Variants in SELENOI observed in about 807,000 individuals in gnomAD.
SELENOI encodes ethanolaminephosphotransferase 1.
SELENOI carries 24 observed loss-of-function variants against 50.7 expected under a neutral mutation model. That is an observed-to-expected ratio of 0.47 (90% CI 0.34 to 0.67). The LOEUF (loss-of-function observed/expected upper bound fraction) is 0.67, where lower values mean the gene tolerates loss of function less well. Among genes scored for constraint, SELENOI ranks in the 30% least tolerant of loss-of-function variants. The pLI is 0.01. For synonymous variants in SELENOI, 155 were observed against 170.2 expected (o/e 0.91, Z 0.70); for missense variants, 352 against 461.4 (o/e 0.76, Z 2.17).
At chr2:26,379,704 T>C (rs906511341) in intron 6 of SELENOI, among the ~76,000 whole-genome samples, 1 of 152,202 alleles carries the variant, frequency 6.6e-6, no homozygotes, top group African/African-American at 2.4e-5. Flanking sequence ...TAGGAATTCA[T>C]TCATTCAGTG....
chr2:26,383,300 T>C lies in SELENOI; in HGVS notation c.684T>C (p.Gly228=). ...YRDLFTAMII[G]CALCVTLPMS... The stretch of plus-strand genomic sequence containing the variant: ...TAATTGAATAATTATTCCCTTTAGG[T>C]TGTGCATTATGTGTGACTCTTCCAA... The change falls in exon 7 of 10, where the codon GGT becomes GGC. Residue 228 remains glycine (G), a splice_region_variant and synonymous_variant. Transcript: ENST00000260585. 6.5e-7 allele frequency: 1 copy of C among 1,534,472 alleles called. No homozygotes were observed. The highest frequency in any genetic ancestry group is 1.9e-5 in the Admixed American group (1 of 51,496).
rs377158582 is a variant in SELENOI at position 26,374,999 on chromosome 2, G to A, written c.574-41G>A. 18 of 1,374,384 alleles carry A rather than the reference G, an allele frequency of 1.3e-5. 1 individual carries two copies. Among genetic ancestry groups the A allele is most frequent in the South Asian group, 2.4e-5 (2 of 84,972 alleles). 85.1% of individuals were successfully genotyped at this position (1,374,384 alleles called of 1,614,324 possible). A position where few individuals can be genotyped will look rare whatever the true frequency, so the allele number is the denominator to read the frequency against. ...CATGGTGACTCCTGATCTTTCTAGC[G>A]TTAATGCTTCTGTATGCTTTTGTCT... On this transcript the variant is annotated intron_variant, in intron 5 of 9. Coordinates refer to ENST00000260585, the MANE Select transcript of SELENOI (RefSeq NM_033505.4).
intron 7 of SELENOI, among the ~76,000 whole-genome samples, chr2:26,383,741 G>A (rs773813120): frequency 6.6e-6 from 1 of 152,262 alleles, no homozygotes; most frequent in Non-Finnish European, 1.5e-5. Context: ...GTGTGTGGTG[G>A]CACATGCCTG....
intron 9 of SELENOI, 75 bp downstream of exon 9, chr2:26,386,611 G>A: frequency 8.0e-7 from 1 of 1,257,170 alleles, no homozygotes; most frequent in Non-Finnish European, 1.1e-6. Context: ...GAGTAGAAAG[G>A]AGGCAATGGA....
At chr2:26,381,887 C>A (rs1210211416) in intron 6 of SELENOI, among the ~76,000 whole-genome samples, 1 of 152,132 alleles carries the variant, frequency 6.6e-6, no homozygotes, top group African/African-American at 2.4e-5. Flanking sequence ...TCTTTAAGGC[C>A]ATAGCTGCAT....
At position 26,364,853 on chromosome 2, in the gene SELENOI, C is replaced by T; in HGVS notation, c.148C>T (p.Pro50Ser). Residue 50 changes from proline (P) to serine (S), a missense_variant, in exon 3 of 10, where the codon CCC (proline) becomes TCC (serine). By Grantham distance (74) the Pro-to-Ser change is moderately conservative. Transcript: ENST00000260585. ...IVKVFPTWLA[P>S]NLITFSGFLL... ...ATAGGTATTTCCTACTTGGCTGGCGCCCAATCTGATAACTTTTTCTGGCTT... is the reference window on the plus strand; with the variant it reads ...ATAGGTATTTCCTACTTGGCTGGCGTCCAATCTGATAACTTTTTCTGGCTT... 1.2e-6 allele frequency: 2 copies of T among 1,609,184 alleles called. No homozygotes were observed. The highest frequency in any genetic ancestry group is 1.7e-6 in the Non-Finnish European group (2 of 1,178,044).
At chr2:26,358,771 A>G (rs1289879997) in intron 1 of SELENOI, among the ~76,000 whole-genome samples, 2 of 152,230 alleles carry the variant, frequency 1.3e-5, no homozygotes, top group Non-Finnish European at 2.9e-5. Context: ...CCAGTAGTCA[A>G]GCTCATATTA....
chr2:26,394,509 G>A lies in SELENOI; in HGVS notation c.*5406G>A, dbSNP rs759353492. Reference sequence around the variant, plus strand: ...CTCACAATATTAACTTTTTTTGTAGGTTATTTTGTTGTTTAGATAACTTGC... The same window carrying A: ...CTCACAATATTAACTTTTTTTGTAGATTATTTTGTTGTTTAGATAACTTGC... On this transcript the variant is annotated 3_prime_UTR_variant, in exon 10 of 10. Coordinates refer to ENST00000260585, the MANE Select transcript of SELENOI (RefSeq NM_033505.4). The surrounding 1 kb of genome is among the most constrained non-coding windows in gnomAD (Gnocchi z 4.1). 1 of 152,110 alleles carries A rather than the reference G, an allele frequency of 6.6e-6. No individual in the cohort carries two copies. The highest frequency in any genetic ancestry group is 6.5e-5 in the Admixed American group (1 of 15,276). 9.4% of individuals were successfully genotyped at this position (152,110 alleles called of 1,614,324 possible). A position where few individuals can be genotyped will look rare whatever the true frequency, so the allele number is the denominator to read the frequency against.
At chr2:26,367,781 G>A (rs1677316889) in intron 4 of SELENOI, among the ~76,000 whole-genome samples, 2 of 152,130 alleles carry the variant, frequency 1.3e-5, no homozygotes, top group African/African-American at 2.4e-5. Context: ...TCAGGGAGTG[G>A]GCAGGGAGGC....
chr2:26,351,625 C>T (rs1178764160), intron 1 of SELENOI, among the ~76,000 whole-genome samples: 1 of 152,096 alleles, frequency 6.6e-6, no homozygotes, highest in Admixed American at 6.5e-5. Flanking sequence ...TAGATAAGGT[C>T]TTTAGACATA....
chr2:26,370,874 G>C (rs537725382), intron 4 of SELENOI, among the ~76,000 whole-genome samples: 3 of 126,434 alleles, frequency 2.4e-5, no homozygotes, highest in South Asian at 2.5e-4. Context: ...CTGGCCAGGC[G>C]GGGGGCTGAC....
In SELENOI at chr2:26,346,265, G is replaced by A; in HGVS notation, c.33G>A (p.Gln11=). MAGYEYVSPE[Q]LAGFDKYKYS... is the part of the protein sequence containing the mutation. ...GCTACGAATACGTGAGCCCGGAGCAGCTGGCTGGCTTTGATAAGTACAAGG... is the reference window on the plus strand; with the variant it reads ...GCTACGAATACGTGAGCCCGGAGCAACTGGCTGGCTTTGATAAGTACAAGG... The change falls in exon 1 of 10, where the codon CAG becomes CAA. Residue 11 remains glutamine (Q), a synonymous_variant. Coordinates refer to ENST00000260585, the MANE Select transcript of SELENOI (RefSeq NM_033505.4). 3 of 1,613,592 alleles carry A rather than the reference G, an allele frequency of 1.9e-6. No individual in the cohort carries two copies. Among genetic ancestry groups the A allele is most frequent in the Admixed American group, 3.3e-5 (2 of 60,018 alleles).
chr2:26,379,362 T>A (rs910840822), intron 6 of SELENOI, among the ~76,000 whole-genome samples: 1 of 152,214 alleles, frequency 6.6e-6, no homozygotes, highest in South Asian at 2.1e-4. Flanking sequence ...ATTTGGCCAA[T>A]AGAATTCTTA....
At position 26,392,799 on chromosome 2, in the gene SELENOI, A is replaced by G. The variant is rs1677999788; in HGVS notation, c.*3696A>G. The G allele has an allele frequency of 1.3e-5, 2 of 152,258 alleles. No homozygotes were observed. The highest frequency in any genetic ancestry group is 2.4e-5 in the African/African-American group (1 of 41,466). 9.4% of individuals were successfully genotyped at this position (152,258 alleles called of 1,614,324 possible). Reference sequence around the variant, plus strand: ...CCTCAGTTCTGGATTTAAGTACTCTATAGAAAATTTGTGAAGTCAGACCAG... The same window carrying G: ...CCTCAGTTCTGGATTTAAGTACTCTGTAGAAAATTTGTGAAGTCAGACCAG... On this transcript the variant is annotated 3_prime_UTR_variant, in exon 10 of 10. Coordinates refer to ENST00000260585, the MANE Select transcript of SELENOI (RefSeq NM_033505.4).
intron 1 of SELENOI, among the ~76,000 whole-genome samples, chr2:26,356,692 C>G (rs911947100): frequency 2.0e-5 from 3 of 152,100 alleles, no homozygotes; most frequent in South Asian, 4.1e-4. Flanking sequence ...TACTTTACCC[C>G]CTTCAAGTCC....
chr2:26,354,334 A>G (rs1430418139), intron 1 of SELENOI, among the ~76,000 whole-genome samples: 2 of 152,138 alleles, frequency 1.3e-5, no homozygotes, highest in Non-Finnish European at 2.9e-5. Context: ...TCTCAAAACT[A>G]AGAGTGAAAT....
intron 6 of SELENOI, 26 bp from the exon 7 acceptor site, chr2:26,383,273 A>G: frequency 6.7e-7 from 1 of 1,495,854 alleles, no homozygotes; most frequent in Non-Finnish European, 9.0e-7. Context: ...GAATAAGCAT[A>G]ATAATTGAAT....
chr2:26,350,385 G>A lies in SELENOI; in HGVS notation c.57+4096G>A, dbSNP rs149588465. Reference sequence around the variant, plus strand: ...ATTCTTATCTTTTTTTAGAGACAGGGTCTTGCTTTGTCGCCCAGGCTGGAG... The same window carrying A: ...ATTCTTATCTTTTTTTAGAGACAGGATCTTGCTTTGTCGCCCAGGCTGGAG... On this transcript the variant is annotated intron_variant, in intron 1 of 9. Transcript: ENST00000260585. Among the ~76,000 whole-genome samples, 1,150 of 152,172 alleles carry A rather than the reference G, an allele frequency of 7.6e-3. 7 individuals are homozygous for A. Among genetic ancestry groups the A allele is most frequent in the Middle Eastern group, 0.024 (7 of 294 alleles).
At chr2:26,373,237 A>G (rs1317294908) in intron 4 of SELENOI, 130 bp from the exon 5 acceptor site, 1 of 1,095,252 alleles carries the variant, frequency 9.1e-7, no homozygotes, top group Non-Finnish European at 1.3e-6. Flanking sequence ...TTATAGTACC[A>G]GCTGATAGCT....
Sources: allele counts gnomAD v4.1 joint callset (sites outside exome capture counted in the v4.1 genomes callset), GRCh38; gene constraint gnomAD v4.1.1; non-coding constraint Gnocchi (gnomAD v3.1); transcripts MANE v1.5; gene names NCBI Gene and HGNC (gene_info 2026-07-23, HGNC 2026-07-21).